Variants in COL18A1 observed in about 807,000 individuals in gnomAD.
COL18A1 encodes collagen alpha-1(XVIII) chain.
COL18A1 carries 133 observed loss-of-function variants against 168.0 expected under a neutral mutation model. The ratio of observed to expected loss-of-function variants is 0.79; its 90% CI spans 0.69 to 0.91. The LOEUF is 0.91. Among genes scored for constraint, COL18A1 ranks in the 40% least tolerant of loss-of-function variants. The pLI is 0.00. For synonymous variants in COL18A1, 949 were observed against 809.0 expected (o/e 1.17, Z -2.94); for missense variants, 2,126 against 1,925.4 (o/e 1.10, Z -1.95).
Position 45,498,687 on chromosome 21 carries a change from C to T in COL18A1, c.2683+1026C>T, listed in dbSNP as rs917471426. ...CCCATGCCAGCCTTGGATCTCTCAGCGTCACACACGACGCCCAGGAAGGAG... is the reference window on the plus strand; with the variant it reads ...CCCATGCCAGCCTTGGATCTCTCAGTGTCACACACGACGCCCAGGAAGGAG... On this transcript the variant is annotated intron_variant, in intron 32 of 41. Coordinates refer to ENST00000651438, the MANE Select transcript of COL18A1 (RefSeq NM_001379500.1). The surrounding 1 kb of genome is among the most constrained non-coding windows in gnomAD (Gnocchi z 4.5). The T allele has an allele frequency of 7.6e-6, 5 of 657,806 alleles. No individual in the cohort carries two copies. The highest frequency in any genetic ancestry group is 6.8e-5 in the South Asian group (4 of 59,050). The allele number at this position is 657,806 out of a possible 1,614,324, so 40.7% of individuals were successfully genotyped here.
intron 14 of COL18A1, 54 bp downstream of exon 14, chr21:45,482,079 C>T: frequency 6.8e-7 from 1 of 1,463,492 alleles, no homozygotes; most frequent in Non-Finnish European, 9.5e-7. Flanking sequence ...CACCATGTGG[C>T]CCGGGTCCGG....
At chr21:45,485,260 C>T (rs937198333) in intron 15 of COL18A1, among the ~76,000 whole-genome samples, 8 of 149,348 alleles carry the variant, frequency 5.4e-5, no homozygotes, top group Non-Finnish European at 1.2e-4. Flanking sequence ...CTCGGCCTCC[C>T]AAAGTGCTGG....
Position 45,509,352 on chromosome 21 carries a change from G to A in COL18A1, c.3250-4G>A, listed in dbSNP as rs2037435298. 1 of 1,545,942 alleles carries A rather than the reference G, an allele frequency of 6.5e-7. No individual in the cohort carries two copies. Among genetic ancestry groups the A allele is most frequent in the Non-Finnish European group, 8.7e-7 (1 of 1,147,400 alleles). ...CCGACAGGCCCCACGTCTCCCACCT[G>A]CAGGACAATGAAGTGGCCGCCTTGC... On this transcript the variant is annotated splice_polypyrimidine_tract_variant and splice_region_variant and intron_variant, in intron 38 of 41. Transcript: ENST00000651438.
chr21:45,455,229 G>A (rs546152597), intron 2 of COL18A1, among the ~76,000 whole-genome samples: 14 of 152,320 alleles, frequency 9.2e-5, no homozygotes, highest in South Asian at 4.1e-4. Context: ...AGAGCCTAGC[G>A]GAGCACGTTG....
intron 37 of COL18A1, chr21:45,507,105 C>T (rs559269299): frequency 3.1e-6 from 1 of 325,454 alleles, no homozygotes; most frequent in African/African-American, 2.2e-5. Flanking sequence ...CTGCCGTGGA[C>T]TGGGAGGGCT....
chr21:45,498,242 G>C lies in COL18A1; in HGVS notation c.2683+581G>C, dbSNP rs931398863. On this transcript the variant is annotated intron_variant, in intron 32 of 41. Coordinates refer to ENST00000651438, the MANE Select transcript of COL18A1 (RefSeq NM_001379500.1). The surrounding 1 kb of genome is among the most constrained non-coding windows in gnomAD (Gnocchi z 4.5). The stretch of plus-strand genomic sequence containing the variant: ...ACTGTTTGAGGATGTCTGGGGGCTG[G>C]CAGAGCAGAAGCCCAGAGAGCCAGG... The C allele has an allele frequency of 1.4e-6, 1 of 704,220 alleles. No individual in the cohort carries two copies. Among genetic ancestry groups the C allele is most frequent in the Non-Finnish European group, 2.6e-6 (1 of 384,626 alleles). The allele number at this position is 704,220 out of a possible 1,614,324, so 43.6% of individuals were successfully genotyped here.
intron 2 of COL18A1, among the ~76,000 whole-genome samples, chr21:45,427,554 T>C (rs1470470672): frequency 6.6e-6 from 1 of 152,152 alleles, no homozygotes; most frequent in African/African-American, 2.4e-5. Context: ...GCTCTTGACC[T>C]CACACCTCTG....
rs1166548840 is a variant in COL18A1, at chr21:45,405,447, G to C, written c.80G>C (p.Gly27Ala). ...DVLAPLVLLL[G>A]VRAASAEPER... ...CTCGCGCCCCTGGTCCTGCTGCTCGGGGTCCGCGCGGCCTCCGCGGAGCCA... is the reference window on the plus strand; with the variant it reads ...CTCGCGCCCCTGGTCCTGCTGCTCGCGGTCCGCGCGGCCTCCGCGGAGCCA... Residue 27 changes from glycine to alanine, a missense_variant, in exon 2 of 42, where the codon GGG becomes GCG. Coordinates refer to ENST00000651438, the MANE Select transcript of COL18A1 (RefSeq NM_001379500.1). 2.2e-6 allele frequency: 3 copies of C among 1,380,480 alleles called. No homozygotes were observed. Among genetic ancestry groups the C allele is most frequent in the Non-Finnish European group, 2.8e-6 (3 of 1,059,350 alleles). The allele number at this position is 1,380,480 out of a possible 1,614,324, so 85.5% of individuals were successfully genotyped here.
At chr21:45,467,200 C>T (rs978298153) in intron 2 of COL18A1, 3 of 975,878 alleles carry the variant, frequency 3.1e-6, no homozygotes, top group South Asian at 4.7e-5. Context: ...GCCCCCCTCC[C>T]GTGGGCAGGA....
intron 2 of COL18A1, among the ~76,000 whole-genome samples, chr21:45,430,613 C>T (rs1360297849): frequency 6.6e-6 from 1 of 152,130 alleles, no homozygotes; most frequent in Non-Finnish European, 1.5e-5. Flanking sequence ...TGATGGAGCG[C>T]GTGGGTGGCT....
chr21:45,488,456 A>G lies in COL18A1; in HGVS notation c.1923+12A>G, dbSNP rs2036190924. ...TGCCGGGACTTAAGGTCAGTGACGG[A>G]TATGTCTGGGTTTCTGTGGTTGCTG... On this transcript the variant is annotated intron_variant, in intron 18 of 41. Transcript: ENST00000651438. The G allele has an allele frequency of 1.9e-6, 3 of 1,613,450 alleles. No homozygotes were observed. The highest frequency in any genetic ancestry group is 1.3e-5 in the African/African-American group (1 of 74,888).
rs1362989862 is a variant in COL18A1, at chr21:45,498,307, C to G, written c.2683+646C>G. On this transcript the variant is annotated intron_variant, in intron 32 of 41. Coordinates refer to ENST00000651438, the MANE Select transcript of COL18A1 (RefSeq NM_001379500.1). This position sits in a 1 kb window ranked among gnomAD's most constrained non-coding sequence, Gnocchi z 4.5. ...CTTTCACCACCAGGGTCCCCTCTCG[C>G]CGCCACGGTCCCCTCTCGCCGCCAG... is the stretch of plus-strand genomic sequence containing the variant. 1 of 699,054 alleles carries G rather than the reference C, an allele frequency of 1.4e-6. No individual in the cohort carries two copies. The highest frequency in any genetic ancestry group is 1.8e-5 in the African/African-American group (1 of 56,556). 43.3% of individuals were successfully genotyped at this position (699,054 alleles called of 1,614,324 possible).
intron 2 of COL18A1, among the ~76,000 whole-genome samples, chr21:45,418,077 G>A (rs2033498646): frequency 6.6e-6 from 1 of 152,246 alleles, no homozygotes; most frequent in Non-Finnish European, 1.5e-5. Context: ...CTGTGAGTGG[G>A]GGCGCCTGGC....
At position 45,456,802 on chromosome 21, in the gene COL18A1, C is replaced by T. The variant is rs60098805; in HGVS notation, c.107-11440C>T. The T allele has an allele frequency of 7.3e-4, 1,122 of 1,538,670 alleles. 7 individuals carry two copies. In the African/African-American group the frequency reaches 0.013, roughly 18 times the overall value. On this transcript the variant is annotated intron_variant, in intron 2 of 41. Coordinates refer to ENST00000651438, the MANE Select transcript of COL18A1 (RefSeq NM_001379500.1). ...AGGATGCGTGTTGGAGCCGCCTGGG[C>T]GGGGGCCGGCTGCCCGTCGCCTGTG... is the stretch of plus-strand genomic sequence containing the variant.
chr21:45,456,141 C>T (rs760202762), intron 2 of COL18A1: 1 of 1,583,910 alleles, frequency 6.3e-7, no homozygotes, highest in Admixed American at 1.7e-5. Context: ...CCCTGGGCAC[C>T]ACTCACGGGG....
rs1245157499 is a variant in COL18A1, at chr21:45,473,522, G to T, written c.652-373G>T. ...TTGCGTAAAGCTCCCGGGACTTGGG[G>T]TTGGGGGACTTGACCTGCAGCCCCT... On this transcript the variant is annotated intron_variant, in intron 3 of 41. Transcript: ENST00000651438. This position sits in a 1 kb window ranked among gnomAD's most constrained non-coding sequence, Gnocchi z 4.0. Among the ~76,000 whole-genome samples, 1 of 152,156 alleles carries T rather than the reference G, an allele frequency of 6.6e-6. No individual in the cohort carries two copies. Among genetic ancestry groups the T allele is most frequent in the Non-Finnish European group, 1.5e-5 (1 of 68,018 alleles).
chr21:45,408,949 G>A (rs909259398), intron 2 of COL18A1, among the ~76,000 whole-genome samples: 1 of 152,016 alleles, frequency 6.6e-6, no homozygotes, highest in African/African-American at 2.4e-5. Flanking sequence ...GCAGAGGAGG[G>A]TGTGCCAGCC....
At chr21:45,440,590 C>T (rs2034342778) in intron 2 of COL18A1, among the ~76,000 whole-genome samples, 2 of 150,680 alleles carry the variant, frequency 1.3e-5, no homozygotes, top group African/African-American at 2.4e-5. Flanking sequence ...CCACGTTCCC[C>T]GGAAGCAGTC....
intron 2 of COL18A1, among the ~76,000 whole-genome samples, chr21:45,452,475 G>A (rs867726097): frequency 2.0e-5 from 3 of 149,536 alleles, no homozygotes; most frequent in Admixed American, 6.6e-5. Flanking sequence ...ATATATGTAC[G>A]TGTGTGTTTC....
Sources: allele counts gnomAD v4.1 joint callset (sites outside exome capture counted in the v4.1 genomes callset), GRCh38; gene constraint gnomAD v4.1.1; non-coding constraint Gnocchi (gnomAD v3.1); transcripts MANE v1.5; gene names NCBI Gene and HGNC (gene_info 2026-07-23, HGNC 2026-07-21).